The following ZNF704 variants were observed in gnomAD, a reference collection of about 807,000 sequenced individuals.
ZNF704 encodes zinc finger protein 704, also known as glucocorticoid induced gene 1.
In ZNF704, 10 loss-of-function variants were observed where a neutral mutation model predicts 44.7. That is an observed-to-expected ratio of 0.22 (90% confidence interval 0.14 to 0.38). The LOEUF (loss-of-function observed/expected upper bound fraction) is 0.38. Among genes scored for constraint, ZNF704 ranks in the 10% least tolerant of loss-of-function variants. ZNF704 has a pLI of 1.00. For synonymous variants in ZNF704, 211 were observed against 207.6 expected (o/e 1.02, Z -0.14); for missense variants, 390 against 545.5 (o/e 0.71, Z 2.84).
intron 1 of ZNF704, among the ~76,000 whole-genome samples, chr8:80,848,280 G>A (rs1039440875): frequency 6.6e-6 from 1 of 152,216 alleles, no homozygotes; most frequent in African/African-American, 2.4e-5. Flanking sequence ...AGGGCAACAT[G>A]AGGGATCCAT....
At chr8:80,671,235 C>T (rs1005431115) in intron 4 of ZNF704, among the ~76,000 whole-genome samples, 17 of 152,192 alleles carry the variant, frequency 1.1e-4, no homozygotes, top group Non-Finnish European at 2.5e-4. Flanking sequence ...TCAAGAGATC[C>T]TCCCACGTTA....
chr8:80,811,702 C>T (rs796780255), intron 2 of ZNF704, among the ~76,000 whole-genome samples: 2 of 152,188 alleles, frequency 1.3e-5, no homozygotes, highest in Admixed American at 6.5e-5. Flanking sequence ...TCTTACGCAG[C>T]CTTACATTTC....
intron 1 of ZNF704, among the ~76,000 whole-genome samples, chr8:80,831,789 A>G (rs1354968039): frequency 6.6e-6 from 1 of 152,220 alleles, no homozygotes; most frequent in African/African-American, 2.4e-5. Context: ...AGAACACAAC[A>G]TAGGTAAGAA....
At chr8:80,722,651 C>G (rs1416191684) in intron 2 of ZNF704, among the ~76,000 whole-genome samples, 2 of 152,158 alleles carry the variant, frequency 1.3e-5, no homozygotes, top group Non-Finnish European at 2.9e-5. Context: ...TTAAAAGCAA[C>G]TCAGCTTTTT....
rs941227172 is a variant in ZNF704 at position 80,630,060 on chromosome 8, C to T, written c.*11306G>A. On this transcript the variant is annotated 3_prime_UTR_variant, in exon 9 of 9. Coordinates refer to ENST00000327835, the MANE Select transcript of ZNF704 (RefSeq NM_001033723.3). ...CAAGTAGGAGAATATAGATGGGCTT[C>T]CCATATCCCCATAAGGATATGTATC... The T allele has an allele frequency of 6.6e-6, 1 of 152,188 alleles. No individual in the cohort carries two copies. Among genetic ancestry groups the T allele is most frequent in the Non-Finnish European group, 1.5e-5 (1 of 68,044 alleles). The allele number at this position is 152,188 out of a possible 1,614,324, so 9.4% of individuals were successfully genotyped here. A position where few individuals can be genotyped will look rare whatever the true frequency, so the allele number is the denominator to read the frequency against.
chr8:80,709,057 C>T (rs1056863950), intron 2 of ZNF704, among the ~76,000 whole-genome samples: 1 of 152,132 alleles, frequency 6.6e-6, no homozygotes, highest in Admixed American at 6.5e-5. Flanking sequence ...CTAACATTAA[C>T]ATTTCTCTTC....
Position 80,798,332 on chromosome 8 carries a change from C to T in ZNF704, c.221+23042G>A, listed in dbSNP as rs147727533. 1.1e-3 allele frequency among the ~76,000 whole-genome samples: 160 copies of T among 151,878 alleles called. 1 individual carries two copies. In the East Asian group the frequency reaches 0.022, roughly 21 times the overall value. ...GTACCATGGCACAATCTTAGCTCAC[C>T]GCAACCTCCGCCTCCCAGGTTCAAG... On this transcript the variant is annotated intron_variant, in intron 2 of 8. Transcript: ENST00000327835.
At chr8:80,802,184 GCCTA>G in intron 2 of ZNF704, among the ~76,000 whole-genome samples, 1 of 101,736 alleles carries the variant, frequency 9.8e-6, no homozygotes, top group South Asian at 3.1e-4. Context: ...AGTAATAAAC[GCCTA>G]CCAACCAAAA....
intron 2 of ZNF704, among the ~76,000 whole-genome samples, chr8:80,732,764 T>C (rs551378725): frequency 6.6e-6 from 1 of 152,224 alleles, no homozygotes; most frequent in East Asian, 1.9e-4. Context: ...GAGACTATCT[T>C]GGGCTACATG....
intron 1 of ZNF704, among the ~76,000 whole-genome samples, chr8:80,860,545 A>T (rs937161490): frequency 6.6e-6 from 1 of 152,220 alleles, no homozygotes; most frequent in East Asian, 1.9e-4. Context: ...AAAAATACCA[A>T]ATATTTTTGT....
chr8:80,780,069 G>C (rs1295073159), intron 2 of ZNF704, among the ~76,000 whole-genome samples: 2 of 152,066 alleles, frequency 1.3e-5, no homozygotes, highest in Non-Finnish European at 2.9e-5. Context: ...TAGGGGTCAT[G>C]GTGATAAGGA....
chr8:80,656,002 G>T (rs923502658), intron 7 of ZNF704, among the ~76,000 whole-genome samples: 5 of 152,158 alleles, frequency 3.3e-5, no homozygotes, highest in African/African-American at 1.2e-4. Flanking sequence ...ATATGATAAA[G>T]CTCTAATCCC....
At chr8:80,649,420 GA>G (rs991062008) in intron 7 of ZNF704, among the ~76,000 whole-genome samples, 1 of 152,194 alleles carries the variant, frequency 6.6e-6, no homozygotes, top group African/African-American at 2.4e-5. Context: ...CCTAGTCAAA[GA>G]AAGGGGTGAC....
At chr8:80,830,629 T>C (rs983683682) in intron 1 of ZNF704, among the ~76,000 whole-genome samples, 5 of 151,436 alleles carry the variant, frequency 3.3e-5, no homozygotes, top group Admixed American at 2.6e-4. Flanking sequence ...ATTTAAATTA[T>C]ACCACAATAG....
intron 1 of ZNF704, among the ~76,000 whole-genome samples, chr8:80,825,870 G>A (rs1345810010): frequency 6.6e-6 from 1 of 152,166 alleles, no homozygotes; most frequent in African/African-American, 2.4e-5. Context: ...GATGTTCTTT[G>A]AAACCAATGA....
At chr8:80,809,061 G>A (rs575419979) in intron 2 of ZNF704, among the ~76,000 whole-genome samples, 2 of 152,306 alleles carry the variant, frequency 1.3e-5, no homozygotes, top group Admixed American at 6.5e-5. Flanking sequence ...GGAGGCCAAC[G>A]TGGGCAGATC....
the ZNF704 span, among the ~76,000 whole-genome samples, chr8:80,884,034 T>C: frequency 1.3e-5 from 2 of 152,284 alleles, no homozygotes; most frequent in Non-Finnish European, 2.9e-5. Context: ...TATGCTGATA[T>C]AAATGCCACT....
At chr8:80,696,294 T>C (rs1818723301) in intron 2 of ZNF704, among the ~76,000 whole-genome samples, 1 of 152,266 alleles carries the variant, frequency 6.6e-6, no homozygotes, top group Admixed American at 6.5e-5. Flanking sequence ...TTTTACCTTT[T>C]CAATTAATCT....
chr8:80,841,229 G>C (rs375554377), intron 1 of ZNF704, among the ~76,000 whole-genome samples: 1 of 152,086 alleles, frequency 6.6e-6, no homozygotes, highest in African/African-American at 2.4e-5. Context: ...CTTGTCACAC[G>C]CATCATATGG....
Sources: allele counts gnomAD v4.1 joint callset (sites outside exome capture counted in the v4.1 genomes callset), GRCh38; gene constraint gnomAD v4.1.1; transcripts MANE v1.5; gene names NCBI Gene and HGNC (gene_info 2026-07-23, HGNC 2026-07-21).